MACROD2: variants seen among roughly 807,000 people sequenced by gnomAD.
MACROD2 encodes the protein mono-ADP ribosylhydrolase 2, also known as ADP-ribose glycohydrolase MACROD2.
Under a neutral mutation model 70.4 loss-of-function variants are expected in MACROD2, and 36 were observed. The observed-to-expected ratio is 0.51, with a 90% CI of 0.39 to 0.68. The LOEUF is 0.68. MACROD2 is among the 30% of genes least tolerant of loss of function. The pLI is 0.00. For synonymous variants in MACROD2, 172 were observed against 178.8 expected, an observed-to-expected ratio of 0.96 and a Z score of 0.30; for missense variants, 496 against 538.4, an observed-to-expected ratio of 0.92 and a Z score of 0.78.
chr20:15,358,154 C>T (rs1016681016), intron 6 of MACROD2, among the ~76,000 whole-genome samples: 1 of 152,132 alleles, frequency 6.6e-6, no homozygotes, highest in East Asian at 1.9e-4. Context: ...AAAATGAGTG[C>T]TCCACCTTCA....
intron 6 of MACROD2, among the ~76,000 whole-genome samples, chr20:15,291,667 A>G (rs763394972): frequency 6.6e-5 from 10 of 152,186 alleles, no homozygotes; most frequent in Non-Finnish European, 1.5e-4. Flanking sequence ...CAGGAAATGA[A>G]GTATTATTAT....
chr20:14,239,953 G>A (rs578164919), intron 3 of MACROD2, among the ~76,000 whole-genome samples: 3 of 152,126 alleles, frequency 2.0e-5, no homozygotes, highest in Non-Finnish European at 4.4e-5. Context: ...TCTTATATCC[G>A]GAATCTATAA....
intron 4 of MACROD2, among the ~76,000 whole-genome samples, chr20:14,500,434 T>A (rs1224050618): frequency 6.6e-6 from 1 of 152,234 alleles, no homozygotes; most frequent in Non-Finnish European, 1.5e-5. Flanking sequence ...CCAGTTGGAT[T>A]TCTAGTATGT....
At chr20:14,898,258 T>G (rs551677116) in intron 5 of MACROD2, among the ~76,000 whole-genome samples, 3 of 152,260 alleles carry the variant, frequency 2.0e-5, no homozygotes, top group African/African-American at 7.2e-5. Context: ...AATTTCTAGA[T>G]AAGAGTCAGA....
At chr20:15,208,861 G>C (rs1296330665) in intron 5 of MACROD2, among the ~76,000 whole-genome samples, 1 of 152,116 alleles carries the variant, frequency 6.6e-6, no homozygotes, top group African/African-American at 2.4e-5. Flanking sequence ...TATATGGGGA[G>C]GGGGGTTGTT....
At chr20:15,453,191 A>G (rs1364181192) in intron 7 of MACROD2, among the ~76,000 whole-genome samples, 2 of 150,496 alleles carry the variant, frequency 1.3e-5, no homozygotes. Context: ...AGCTGAAGGG[A>G]TGTACCTGAA....
intron 4 of MACROD2, among the ~76,000 whole-genome samples, chr20:14,521,480 G>A (rs1043182766): frequency 6.6e-6 from 1 of 152,086 alleles, no homozygotes; most frequent in Non-Finnish European, 1.5e-5. Context: ...CCCTCTACCT[G>A]CAGGTTTGTC....
chr20:14,627,507 C>A (rs1984250146), intron 4 of MACROD2, among the ~76,000 whole-genome samples: 2 of 152,156 alleles, frequency 1.3e-5, no homozygotes, highest in South Asian at 4.1e-4. Context: ...AATCCCGTTT[C>A]TCTCACTACT....
At position 15,587,383 on chromosome 20, in the gene MACROD2, A is replaced by T. The variant is rs1238807809; in HGVS notation, c.645+87536A>T. 3.3e-5 allele frequency among the ~76,000 whole-genome samples: 5 copies of T among 152,208 alleles called. No individual in the cohort carries two copies. The East Asian group carries it at 9.6e-4, about 29-fold the overall frequency. ...TTGAGATTTGAATGGGGACACAGCC[A>T]AACCATATCATTCTGCCCCTGGCTC... On this transcript the variant is annotated intron_variant, in intron 8 of 17. Transcript: ENST00000684519.
chr20:14,128,855 T>C (rs902460741), intron 3 of MACROD2, among the ~76,000 whole-genome samples: 4 of 152,154 alleles, frequency 2.6e-5, no homozygotes, highest in African/African-American at 9.7e-5. Context: ...TGACAGCATA[T>C]CAATTTGTGG....
intron 7 of MACROD2, among the ~76,000 whole-genome samples, chr20:15,443,784 A>G (rs2046526486): frequency 6.6e-6 from 1 of 152,116 alleles, no homozygotes; most frequent in Non-Finnish European, 1.5e-5. Context: ...CTCCAATGTA[A>G]GGAGGCTACT....
chr20:14,012,103 C>T lies in MACROD2; in HGVS notation c.163+9699C>T, dbSNP rs187159271. 8.3e-3 allele frequency among the ~76,000 whole-genome samples: 1,254 copies of T among 151,990 alleles called. 17 individuals are homozygous for T. The highest frequency in any genetic ancestry group is 0.034 in the Admixed American group (518 of 15,246). ...TGTATTTTTAGTAGAGATGGGGTTT[C>T]GCCACGTTGGCCAGGCTGGTCTGGA... On this transcript the variant is annotated intron_variant, in intron 2 of 17. Coordinates refer to ENST00000684519, the MANE Select transcript of MACROD2 (RefSeq NM_001351661.2).
At chr20:14,380,905 A>G (rs530629731) in intron 3 of MACROD2, among the ~76,000 whole-genome samples, 1 of 152,150 alleles carries the variant, frequency 6.6e-6, no homozygotes, top group African/African-American at 2.4e-5. Context: ...AGAATTTACT[A>G]TGTTATGCTT....
At chr20:15,513,121 G>A (rs902643171) in intron 8 of MACROD2, among the ~76,000 whole-genome samples, 6 of 152,112 alleles carry the variant, frequency 3.9e-5, no homozygotes, top group African/African-American at 7.2e-5. Context: ...CTCATCAAAC[G>A]TTCTTTTCTT....
chr20:14,738,191 G>A (rs2071690841), intron 5 of MACROD2, among the ~76,000 whole-genome samples: 1 of 151,468 alleles, frequency 6.6e-6, no homozygotes, highest in Non-Finnish European at 1.5e-5. Flanking sequence ...CCTGAAAGCT[G>A]TTTAGGCAAA....
chr20:14,204,316 G>A (rs1193229561), intron 3 of MACROD2, among the ~76,000 whole-genome samples: 2 of 152,188 alleles, frequency 1.3e-5, no homozygotes, highest in African/African-American at 4.8e-5. Context: ...ACATCACTGT[G>A]TCTAGCTGGT....
chr20:14,219,308 C>CAAG (rs2081649716), intron 3 of MACROD2, among the ~76,000 whole-genome samples: 1 of 151,984 alleles, frequency 6.6e-6, no homozygotes, highest in African/African-American at 2.4e-5. Flanking sequence ...TTTCTTTCTT[C>CAAG]TACTTGTTCA....
intron 5 of MACROD2, among the ~76,000 whole-genome samples, chr20:14,773,648 T>C (rs1488118023): frequency 6.6e-6 from 1 of 152,096 alleles, no homozygotes; most frequent in Non-Finnish European, 1.5e-5. Context: ...TTTGCCTCTT[T>C]CATCACAATA....
At position 15,276,858 on chromosome 20, in the gene MACROD2, A is replaced by G. The variant is rs565748423; in HGVS notation, c.540+46797A>G. ...TCTAATTTATAAATTGCTAATCTGAACAAACTAATAGTCTTTCAATGCACT... is the reference window on the plus strand; with the variant it reads ...TCTAATTTATAAATTGCTAATCTGAGCAAACTAATAGTCTTTCAATGCACT... On this transcript the variant is annotated intron_variant, in intron 6 of 17. Transcript: ENST00000684519. Among the ~76,000 whole-genome samples the G allele has an allele frequency of 2.0e-5, 3 of 152,364 alleles. No homozygotes were observed. The South Asian group carries it at 6.2e-4, about 32-fold the overall frequency.
Sources: allele counts gnomAD v4.1 joint callset (sites outside exome capture counted in the v4.1 genomes callset), GRCh38; gene constraint gnomAD v4.1.1; transcripts MANE v1.5; gene names NCBI Gene and HGNC (gene_info 2026-07-23, HGNC 2026-07-21).